TENM4: variants seen among roughly 807,000 people sequenced by gnomAD.
The protein encoded by TENM4 is teneurin-4.
A neutral mutation model predicts 243.3 loss-of-function variants in TENM4; 82 were observed. The ratio of observed to expected loss-of-function variants is 0.34; its 90% CI spans 0.28 to 0.40. The LOEUF is 0.40. Ranked by LOEUF, TENM4 falls within the 10% of genes least tolerant of loss-of-function variation. The probability of loss-of-function intolerance (pLI) is 1.00; values close to 1 mark genes in which losing one functional copy is unlikely to be tolerated. For missense variants in TENM4, 3,138 were observed against 3,673.3 expected (o/e 0.85, Z 3.77); for synonymous variants, 1,412 against 1,456.3 (o/e 0.97, Z 0.69).
chr11:78,730,704 T>A (rs1785821), intron 21 of TENM4, among the ~76,000 whole-genome samples: 132,559 of 152,238 alleles, frequency 0.87, 58,459 homozygotes, highest in African/African-American at 0.93. Flanking sequence ...ATTGAGGCTA[T>A]TGTATCTATT....
intron 6 of TENM4, among the ~76,000 whole-genome samples, chr11:78,921,467 A>G (rs1024281152): frequency 1.3e-5 from 2 of 152,230 alleles, no homozygotes; most frequent in African/African-American, 4.8e-5. Flanking sequence ...GCCTCCATGA[A>G]GATACAGTCT....
chr11:78,902,648 G>C (rs1194068280), intron 7 of TENM4, among the ~76,000 whole-genome samples: 1 of 152,194 alleles, frequency 6.6e-6, no homozygotes, highest in Non-Finnish European at 1.5e-5. Flanking sequence ...CTTCATAGAG[G>C]TATGAGGATT....
intron 30 of TENM4, among the ~76,000 whole-genome samples, chr11:78,675,032 A>G (rs752566593): frequency 6.6e-6 from 1 of 151,638 alleles, no homozygotes; most frequent in Non-Finnish European, 1.5e-5. Flanking sequence ...TACCCAGCTA[A>G]TTTTTTGTAT....
At chr11:79,422,363 C>T (rs1040764002) in intron 1 of TENM4, 2 of 152,090 alleles carry the variant, frequency 1.3e-5, no homozygotes, top group Non-Finnish European at 2.9e-5. Flanking sequence ...GAGTTTGAAT[C>T]CTGATTCCTT....
intron 17 of TENM4, among the ~76,000 whole-genome samples, chr11:78,771,965 A>G (rs1856654834): frequency 6.6e-6 from 1 of 152,186 alleles, no homozygotes; most frequent in Non-Finnish European, 1.5e-5. Flanking sequence ...ACCCGTTCTT[A>G]TTCATGAGGT....
At chr11:78,766,424 G>A (rs747227979) in intron 18 of TENM4, among the ~76,000 whole-genome samples, 1 of 152,034 alleles carries the variant, frequency 6.6e-6, no homozygotes, top group African/African-American at 2.4e-5. Context: ...CCTAATAAGG[G>A]GCTTCTCAAA....
At chr11:79,365,850 G>C (rs1857667244) in intron 1 of TENM4, among the ~76,000 whole-genome samples, 1 of 152,182 alleles carries the variant, frequency 6.6e-6, no homozygotes, top group Non-Finnish European at 1.5e-5. Context: ...GCCCGGTGCG[G>C]GTAGAGGCAA....
intron 6 of TENM4, among the ~76,000 whole-genome samples, chr11:78,946,969 A>G (rs186305400): frequency 6.6e-6 from 1 of 152,364 alleles, no homozygotes; most frequent in East Asian, 1.9e-4. Flanking sequence ...TGCTGTGAAC[A>G]TTGTTGAAAT....
In TENM4 at chr11:79,294,857, A is replaced by G. The variant is rs557275977; in HGVS notation, c.-265+2631T>C. Among the ~76,000 whole-genome samples, 28 of 152,278 alleles carry G rather than the reference A, an allele frequency of 1.8e-4. No homozygotes were observed. The South Asian group carries it at 5.6e-3, about 31-fold the overall frequency. ...AGAGTGAAACTCTGTCTCAAAAAAA[A>G]AAGAAGCTAAGTCAAGAGTTACATG... On this transcript the variant is annotated intron_variant, in intron 2 of 33. Coordinates refer to ENST00000278550, the MANE Select transcript of TENM4 (RefSeq NM_001098816.3).
intron 2 of TENM4, among the ~76,000 whole-genome samples, chr11:79,261,899 G>A (rs1008659936): frequency 6.6e-6 from 1 of 152,158 alleles, no homozygotes; most frequent in Non-Finnish European, 1.5e-5. Flanking sequence ...ATAACCTCTG[G>A]ATGGATGAAA....
At chr11:78,704,159 CTATATATATATATATA>C (rs56026926) in intron 27 of TENM4, among the ~76,000 whole-genome samples, 35 of 106,002 alleles carry the variant, frequency 3.3e-4, no homozygotes, top group East Asian at 8.3e-4. Context: ...GTATGTGTGT[CTATATATATATATATA>C]TATATATATA....
intron 23 of TENM4, among the ~76,000 whole-genome samples, chr11:78,724,185 A>G (rs1223937630): frequency 6.6e-6 from 1 of 152,042 alleles, no homozygotes; most frequent in Non-Finnish European, 1.5e-5. Flanking sequence ...CCTGAGCTCA[A>G]GTGATCCTCC....
chr11:79,285,643 GTA>G (rs1039191225), intron 2 of TENM4, among the ~76,000 whole-genome samples: 3 of 151,546 alleles, frequency 2.0e-5, no homozygotes, highest in African/African-American at 4.8e-5. Flanking sequence ...ACAAAATGTG[GTA>G]TGTGTGTGTG....
chr11:79,436,108 A>T (rs1209675485), intron 1 of TENM4, among the ~76,000 whole-genome samples: 1 of 152,226 alleles, frequency 6.6e-6, no homozygotes, highest in Non-Finnish European at 1.5e-5. Context: ...GAAGGGGATA[A>T]GGAGGTAGAA....
chr11:79,333,618 C>T (rs758462661), intron 1 of TENM4, among the ~76,000 whole-genome samples: 5 of 152,204 alleles, frequency 3.3e-5, no homozygotes, highest in Non-Finnish European at 7.3e-5. Flanking sequence ...AACTTTTCAA[C>T]CAAAACCATA....
At chr11:79,209,639 G>A (rs1438557471) in intron 3 of TENM4, among the ~76,000 whole-genome samples, 6 of 152,208 alleles carry the variant, frequency 3.9e-5, no homozygotes, top group Admixed American at 2.6e-4. Context: ...TCACAGGGAA[G>A]CAGAAGAAGC....
intron 1 of TENM4, among the ~76,000 whole-genome samples, chr11:79,411,528 C>T (rs1216787050): frequency 6.6e-6 from 1 of 152,184 alleles, no homozygotes; most frequent in Non-Finnish European, 1.5e-5. Context: ...ACTTAGGCTA[C>T]ACCACCCTCC....
chr11:79,163,113 A>C (rs1441925084), intron 3 of TENM4, among the ~76,000 whole-genome samples: 1 of 152,054 alleles, frequency 6.6e-6, no homozygotes, highest in Non-Finnish European at 1.5e-5. Context: ...GACCCCACAT[A>C]CCAGTTCATT....
intron 2 of TENM4, among the ~76,000 whole-genome samples, chr11:79,224,009 G>C (rs887654311): frequency 3.3e-5 from 5 of 152,166 alleles, no homozygotes; most frequent in African/African-American, 9.7e-5. Context: ...GCCAATACAA[G>C]ACCCTCCAGA....
Sources: allele counts gnomAD v4.1 joint callset (sites outside exome capture counted in the v4.1 genomes callset), GRCh38; gene constraint gnomAD v4.1.1; transcripts MANE v1.5; gene names NCBI Gene and HGNC (gene_info 2026-07-23, HGNC 2026-07-21).